ANKRD26: variants seen among roughly 807,000 people sequenced by gnomAD.
ANKRD26 encodes the protein ankyrin repeat domain 26.
In ANKRD26, 141 loss-of-function variants were observed where a neutral mutation model predicts 208.7. The observed-to-expected ratio is 0.68, with a 90% CI of 0.59 to 0.78. The LOEUF (loss-of-function observed/expected upper bound fraction) is 0.78, where lower values mean the gene tolerates loss of function less well. ANKRD26 is among the 30% of genes least tolerant of loss of function. The pLI is 0.00. For synonymous variants in ANKRD26, 636 were observed against 660.4 expected (o/e 0.96, Z 0.57); for missense variants, 1,889 against 1,938.7 (o/e 0.97, Z 0.48).
At position 26,994,481 on chromosome 10, in the gene ANKRD26, A is replaced by G. The variant is rs117544791; in HGVS notation, c.*29+560T>C. ...GTTCACATCATATTTCAGTTTGCAG[A>G]GACAGGTATCCCCCTTTCTGTTTCC... is the stretch of plus-strand genomic sequence containing the variant. On this transcript the variant is annotated intron_variant, in intron 5 of 5. Transcript: ENST00000445828. Among the ~76,000 whole-genome samples the G allele has an allele frequency of 4.6e-3, 694 of 152,306 alleles. 3 individuals carry two copies. Among genetic ancestry groups the G allele is most frequent in the Middle Eastern group, 0.017 (5 of 294 alleles).
chr10:26,978,177 G>A (rs1589161005), intron 5 of ANKRD26, among the ~76,000 whole-genome samples: 1 of 152,158 alleles, frequency 6.6e-6, no homozygotes, highest in African/African-American at 2.4e-5. Context: ...GAGGCAGGGT[G>A]CAGTGGCTCA....
chr10:27,052,989 AAT>A (rs780293701), intron 16 of ANKRD26, among the ~76,000 whole-genome samples: 15 of 152,202 alleles, frequency 9.9e-5, no homozygotes, highest in Non-Finnish European at 1.9e-4. Context: ...ACTGCTTAAT[AAT>A]ATGATTCAAT....
chr10:26,957,750 G>A, the ANKRD26 span, among the ~76,000 whole-genome samples: 57 of 152,252 alleles, frequency 3.7e-4, no homozygotes, highest in African/African-American at 1.3e-3. Context: ...AAATAGTAAA[G>A]TATCATAGGG....
chr10:27,002,891 G>A (rs74231584), downstream of ANKRD26, among the ~76,000 whole-genome samples: 11 of 152,090 alleles, frequency 7.2e-5, no homozygotes, highest in Admixed American at 2.6e-4. Context: ...ACTCACTGAC[G>A]CACCCAAAAT....
chr10:27,046,703 CAATT>C (rs2135321083), intron 17 of ANKRD26, among the ~76,000 whole-genome samples, 180 bp from the exon 18 acceptor site: 1 of 152,154 alleles, frequency 6.6e-6, no homozygotes, highest in African/African-American at 2.4e-5. Flanking sequence ...TCCCCCATCT[CAATT>C]CATTCACTAA....
In ANKRD26 at chr10:27,004,940, C is replaced by T; in HGVS notation, c.*650G>A. 4 of 672,924 alleles carry T rather than the reference C, an allele frequency of 5.9e-6. No homozygotes were observed. In the South Asian group the frequency reaches 2.0e-4, roughly 34 times the overall value. 41.7% of individuals were successfully genotyped at this position (672,924 alleles called of 1,614,324 possible). On this transcript the variant is annotated 3_prime_UTR_variant, in exon 34 of 34. Transcript: ENST00000376087. The stretch of plus-strand genomic sequence containing the variant: ...GAATGTCCTGACTTGTAGGAATGCC[C>T]ACTAAAGTAATCAGGGGTGATGACA...
In ANKRD26 at chr10:27,012,909, ATTT is replaced by A; in HGVS notation, c.4923_4925del (p.Asn1643del). ...TGCTCAAGTAGTTCTCCATGCTATT[ATTT>A]GAAGCCCGTGGATTTGAGGTAGAGA... On this transcript the variant is annotated inframe_deletion, in exon 32 of 34. Coordinates refer to ENST00000376087, the MANE Select transcript of ANKRD26 (RefSeq NM_014915.3). The A allele has an allele frequency of 2.5e-6, 4 of 1,614,042 alleles. No homozygotes were observed. The highest frequency in any genetic ancestry group is 1.3e-5 in the African/African-American group (1 of 75,048).
At chr10:26,951,014 TTTTTC>T in the ANKRD26 span, among the ~76,000 whole-genome samples, 31 of 42,910 alleles carry the variant, frequency 7.2e-4, 1 homozygote, top group African/African-American at 1.7e-3. Context: ...TTTTCTTTTC[TTTTTC>T]TTTTTTTTTT....
intron 17 of ANKRD26, among the ~76,000 whole-genome samples, chr10:27,047,701 A>AC (rs1554782089): frequency 0.043 from 5,982 of 138,360 alleles, 217 homozygotes; most frequent in South Asian, 0.14. Flanking sequence ...AACTGTAATA[A>AC]TACTACTACT....
chr10:27,022,537 C>A (rs1159532912), intron 29 of ANKRD26, 21 bp downstream of exon 29: 2 of 1,481,550 alleles, frequency 1.3e-6, no homozygotes, highest in Admixed American at 3.5e-5. Context: ...TTTTTTGGTC[C>A]CAAAACTTAT....
chr10:27,071,825 C>G (rs772582460), intron 9 of ANKRD26, among the ~76,000 whole-genome samples: 3 of 152,262 alleles, frequency 2.0e-5, no homozygotes, highest in Admixed American at 1.3e-4. Flanking sequence ...TAACTCCCCC[C>G]GCGCTGGAGC....
rs1304270979 is a variant in ANKRD26, at chr10:27,096,826, T to C, written c.243-3027A>G. On this transcript the variant is annotated intron_variant, in intron 1 of 33. Coordinates refer to ENST00000376087, the MANE Select transcript of ANKRD26 (RefSeq NM_014915.3). The stretch of plus-strand genomic sequence containing the variant: ...CAAATCTTCATGTCCACTACTGTTA[T>C]GTTTCCAATTCAAAGATCAAGTCTA... Among the ~76,000 whole-genome samples the C allele has an allele frequency of 2.0e-5, 3 of 151,612 alleles. No homozygotes were observed. The South Asian group carries it at 6.3e-4, about 32-fold the overall frequency.
At position 26,975,123 on chromosome 10, in the gene ANKRD26, T is replaced by C. The variant is rs567714731; in HGVS notation, c.*1201A>G. Among the ~76,000 whole-genome samples, 3 of 152,348 alleles carry C rather than the reference T, an allele frequency of 2.0e-5. No homozygotes were observed. The South Asian group carries it at 6.2e-4, about 32-fold the overall frequency. On this transcript the variant is annotated 3_prime_UTR_variant and NMD_transcript_variant, in exon 6 of 6. Coordinates refer to the ANKRD26 transcript ENST00000674670. ...CATGGTTTTAACTAAAAGTGTATGT[T>C]AAATTAGGGGAATTGTTTGACTCTT...
In ANKRD26 at chr10:27,004,295, A is replaced by C. The variant is rs923913354; in HGVS notation, c.*1295T>G. On this transcript the variant is annotated 3_prime_UTR_variant, in exon 34 of 34. Coordinates refer to ENST00000376087, the MANE Select transcript of ANKRD26 (RefSeq NM_014915.3). ...TTTCTGTAAGTCTGAAGTTGTCAAA[A>C]TATAACATTTCTTAAAAGAAAAACA... 6 of 152,214 alleles carry C rather than the reference A, an allele frequency of 3.9e-5. No individual in the cohort carries two copies. Among genetic ancestry groups the C allele is most frequent in the Non-Finnish European group, 8.8e-5 (6 of 68,024 alleles). 9.4% of individuals were successfully genotyped at this position (152,214 alleles called of 1,614,324 possible).
downstream of ANKRD26, among the ~76,000 whole-genome samples, chr10:26,987,336 C>T (rs2052407541): frequency 6.6e-6 from 1 of 152,116 alleles, no homozygotes. Flanking sequence ...TGTTAAATGA[C>T]CAGTTAATGG....
intron 11 of ANKRD26, among the ~76,000 whole-genome samples, chr10:27,064,772 G>A (rs1180133385): frequency 6.6e-6 from 1 of 151,980 alleles, no homozygotes; most frequent in African/African-American, 2.4e-5. Context: ...TATGTCTAAA[G>A]AAAAGCAAGG....
chr10:27,067,769 G>T (rs2055318158), intron 9 of ANKRD26, among the ~76,000 whole-genome samples: 1 of 152,088 alleles, frequency 6.6e-6, no homozygotes, highest in Admixed American at 6.6e-5. Flanking sequence ...CTCCAACACT[G>T]GGGATTACAT....
At chr10:27,039,453 C>CAA (rs34965939) in intron 21 of ANKRD26, among the ~76,000 whole-genome samples, 95 of 101,380 alleles carry the variant, frequency 9.4e-4, no homozygotes, top group African/African-American at 3.0e-3. Flanking sequence ...GACTCCATCT[C>CAA]AAAAAAAAAA....
the ANKRD26 span, among the ~76,000 whole-genome samples, chr10:26,952,284 G>A: frequency 1.9e-4 from 27 of 140,500 alleles, no homozygotes; most frequent in Admixed American, 2.9e-4. Context: ...CAGCTTCTAG[G>A]GAACTGTGAG....
Sources: gnomAD v4.1 joint callset for allele counts (sites outside exome capture counted in the v4.1 genomes callset) on GRCh38, gnomAD v4.1.1 for gene constraint, MANE v1.5 for transcripts, NCBI Gene and HGNC (gene_info 2026-07-23, HGNC 2026-07-21) for gene names.